The following TEX52 variants were observed in gnomAD, a reference collection of about 807,000 sequenced individuals.
TEX52 encodes testis expressed 52.
A neutral mutation model predicts 17.6 loss-of-function variants in TEX52; 22 were observed. That is an observed-to-expected ratio of 1.25 (90% CI 0.89 to 1.78). The LOEUF (loss-of-function observed/expected upper bound fraction) is 1.78, where lower values mean the gene tolerates loss of function less well. Ranked by LOEUF, TEX52 falls within the 40% of genes most tolerant of loss-of-function variation. The probability of loss-of-function intolerance (pLI) is 0.00; values close to 1 mark genes in which losing one functional copy is unlikely to be tolerated. For synonymous variants in TEX52, 168 were observed against 147.4 expected (o/e 1.14, Z -1.01); for missense variants, 396 against 372.3 (o/e 1.06, Z -0.52).
In TEX52 at chr12:2,849,195, C is replaced by T. The variant is rs2098061989; in HGVS notation, c.*36G>A. 6.6e-7 allele frequency: 1 copy of T among 1,510,020 alleles called. No homozygotes were observed. The highest frequency in any genetic ancestry group is 8.8e-7 in the Non-Finnish European group (1 of 1,135,920). 93.5% of individuals were successfully genotyped at this position (1,510,020 alleles called of 1,614,324 possible). A position where few individuals can be genotyped will look rare whatever the true frequency, so the allele number is the denominator to read the frequency against. ...TGATTGAGAACACTGGAGCCTGGGG[C>T]TCTGGGTATCACGATCGTCCCCTCT... On this transcript the variant is annotated 3_prime_UTR_variant, in exon 3 of 3. Coordinates refer to ENST00000637658, the MANE Select transcript of TEX52 (RefSeq NM_001365174.2).
chr12:2,848,400 C>T (rs2098059088), downstream of TEX52, among the ~76,000 whole-genome samples: 1 of 152,216 alleles, frequency 6.6e-6, no homozygotes, highest in Non-Finnish European at 1.5e-5. Context: ...CCTGCCTCTA[C>T]TTTACCCCTG....
At chr12:2,856,928 A>G (rs1319743611) in intron 1 of TEX52, 27 bp downstream of exon 1, 2 of 702,888 alleles carry the variant, frequency 2.8e-6, no homozygotes, top group Non-Finnish European at 5.2e-6. Flanking sequence ...ACAAAAAGGT[A>G]GGCGGCAGAG....
chr12:2,855,494 T>C, intron 1 of TEX52, 48 bp from the exon 2 acceptor site: 1 of 1,348,924 alleles, frequency 7.4e-7, no homozygotes, highest in South Asian at 1.8e-5. Context: ...CAGACAGGGG[T>C]GCAGAAAGGT....
rs2098083505 is a variant in TEX52 at position 2,855,191 on chromosome 12, T to C, written c.328A>G (p.Thr110Ala). Residue 110 changes from threonine to alanine, a missense_variant, in exon 2 of 3, where the codon ACC becomes GCC. Coordinates refer to ENST00000637658, the MANE Select transcript of TEX52 (RefSeq NM_001365174.2). ...DVCRLPATFPTQPDRPYDSNV... is the reference protein window; with the variant it reads ...DVCRLPATFPAQPDRPYDSNV... ...CTATCGTAGGGCCTGTCAGGCTGGG[T>C]GGGGAAGGTGGCAGGCAGACGGCAC... 6.6e-7 allele frequency: 1 copy of C among 1,506,820 alleles called. No individual in the cohort carries two copies. The highest frequency in any genetic ancestry group is 8.9e-7 in the Non-Finnish European group (1 of 1,128,828). The allele number at this position is 1,506,820 out of a possible 1,614,324, so 93.3% of individuals were successfully genotyped here.
At chr12:2,852,965 A>ACT (rs2098075743) in intron 2 of TEX52, among the ~76,000 whole-genome samples, 1 of 151,884 alleles carries the variant, frequency 6.6e-6, no homozygotes, top group Non-Finnish European at 1.5e-5. Context: ...ACACCACTGC[A>ACT]CTCTAGCATG....
chr12:2,852,996 C>G (rs2098075847), intron 2 of TEX52, among the ~76,000 whole-genome samples: 1 of 147,758 alleles, frequency 6.8e-6, no homozygotes, highest in South Asian at 2.3e-4. Flanking sequence ...GAAGACTCTG[C>G]CTCAAAAAAA....
chr12:2,849,189 C>A lies in TEX52; in HGVS notation c.*42G>T. Reference sequence around the variant, plus strand: ...GAGCATTGATTGAGAACACTGGAGCCTGGGGCTCTGGGTATCACGATCGTC... The same window carrying A: ...GAGCATTGATTGAGAACACTGGAGCATGGGGCTCTGGGTATCACGATCGTC... On this transcript the variant is annotated 3_prime_UTR_variant, in exon 3 of 3. Transcript: ENST00000637658. The A allele has an allele frequency of 1.3e-6, 2 of 1,500,222 alleles. No homozygotes were observed. The highest frequency in any genetic ancestry group is 1.8e-6 in the Non-Finnish European group (2 of 1,131,002). The allele number at this position is 1,500,222 out of a possible 1,614,324, so 92.9% of individuals were successfully genotyped here.
chr12:2,855,705 C>G (rs1171083338), intron 1 of TEX52, among the ~76,000 whole-genome samples: 1 of 152,176 alleles, frequency 6.6e-6, no homozygotes, highest in Non-Finnish European at 1.5e-5. Context: ...TTCCCACCCT[C>G]TGTACTCAGC....
rs531100202 is a variant in TEX52, at chr12:2,853,793, C to T, written c.623+1103G>A. 4.0e-4 allele frequency among the ~76,000 whole-genome samples: 61 copies of T among 152,034 alleles called. No homozygotes were observed. In the South Asian group the frequency reaches 0.01, roughly 26 times the overall value. ...AGCATCCGTGAGTTCCCAGGGTGGCCGGGAGGGGGAGCTGCGGGGTTCACA... is the reference window on the plus strand; with the variant it reads ...AGCATCCGTGAGTTCCCAGGGTGGCTGGGAGGGGGAGCTGCGGGGTTCACA... On this transcript the variant is annotated intron_variant, in intron 2 of 2. Transcript: ENST00000637658.
intron 1 of TEX52, among the ~76,000 whole-genome samples, chr12:2,856,139 A>G (rs565030444): frequency 1.1e-4 from 16 of 152,166 alleles, no homozygotes; most frequent in Non-Finnish European, 2.1e-4. Context: ...ATGAGCAAGT[A>G]TTGCTATCGT....
chr12:2,851,395 A>G (rs572599799), intron 2 of TEX52, among the ~76,000 whole-genome samples: 1 of 152,210 alleles, frequency 6.6e-6, no homozygotes, highest in South Asian at 2.1e-4. Flanking sequence ...ATGCTCGAGC[A>G]CAGTGGCCAT....
chr12:2,856,498 T>C (rs1342962780), intron 1 of TEX52, among the ~76,000 whole-genome samples: 2 of 152,162 alleles, frequency 1.3e-5, no homozygotes, highest in African/African-American at 4.8e-5. Flanking sequence ...CCTGAGTAGC[T>C]GGGATTACAG....
chr12:2,851,795 C>T (rs1364454250), intron 2 of TEX52, among the ~76,000 whole-genome samples: 3 of 152,194 alleles, frequency 2.0e-5, no homozygotes, highest in African/African-American at 7.2e-5. Flanking sequence ...TCTCCTGCCT[C>T]AGCCTCCCCA....
intron 2 of TEX52, among the ~76,000 whole-genome samples, chr12:2,852,198 A>C (rs1272578497): frequency 6.6e-6 from 1 of 152,158 alleles, no homozygotes; most frequent in Non-Finnish European, 1.5e-5. Context: ...ACATTCCTTC[A>C]TTCCTGGTTC....
chr12:2,848,419 C>T (rs2098059145), downstream of TEX52, among the ~76,000 whole-genome samples: 1 of 152,214 alleles, frequency 6.6e-6, no homozygotes, highest in South Asian at 2.1e-4. Flanking sequence ...TGGTCTTTGA[C>T]TCCCTGATAG....
At chr12:2,854,072 C>T (rs2098079695) in intron 2 of TEX52, among the ~76,000 whole-genome samples, 1 of 152,186 alleles carries the variant, frequency 6.6e-6, no homozygotes. Flanking sequence ...GTTGCCCCGG[C>T]TGGAGTGCAA....
chr12:2,848,021 A>G (rs142284785), downstream of TEX52, among the ~76,000 whole-genome samples: 1 of 152,308 alleles, frequency 6.6e-6, no homozygotes, highest in East Asian at 1.9e-4. Context: ...ATATTCTTGT[A>G]TTTATTCCAT....
chr12:2,852,369 GT>G (rs71441694), intron 2 of TEX52, among the ~76,000 whole-genome samples: 186 of 149,762 alleles, frequency 1.2e-3, no homozygotes, highest in African/African-American at 4.0e-3. Flanking sequence ...TGTGGGAACT[GT>G]TTTTTTTTTC....
At chr12:2,856,303 A>T (rs2098087028) in intron 1 of TEX52, among the ~76,000 whole-genome samples, 1 of 152,212 alleles carries the variant, frequency 6.6e-6, no homozygotes, top group African/African-American at 2.4e-5. Context: ...TACTTAGCAC[A>T]GTGCCTGACT....
Sources: gnomAD v4.1 joint callset for allele counts (sites outside exome capture counted in the v4.1 genomes callset) on GRCh38, gnomAD v4.1.1 for gene constraint, MANE v1.5 for transcripts, NCBI Gene and HGNC (gene_info 2026-07-23, HGNC 2026-07-21) for gene names.